Variants in PTPRG observed in about 807,000 individuals in gnomAD.
PTPRG encodes protein tyrosine phosphatase receptor type G.
In PTPRG, 102 loss-of-function variants were observed where a neutral mutation model predicts 165.3. The ratio of observed to expected loss-of-function variants is 0.62; its 90% CI spans 0.53 to 0.73. PTPRG has a LOEUF of 0.73. Among genes scored for constraint, PTPRG ranks in the 30% least tolerant of loss-of-function variants. The pLI is 0.00. For missense variants in PTPRG, 1,866 were observed against 1,861.4 expected, an observed-to-expected ratio of 1.00 and a Z score of -0.05; for synonymous variants, 675 against 669.5, an observed-to-expected ratio of 1.01 and a Z score of -0.13.
intron 2 of PTPRG, among the ~76,000 whole-genome samples, chr3:61,917,605 T>C (rs764380589): frequency 1.9e-4 from 29 of 152,198 alleles, no homozygotes; most frequent in Non-Finnish European, 4.1e-4. Flanking sequence ...CTGCTAACAA[T>C]GGACATTTAA....
At chr3:61,825,403 T>C (rs2036076799) in intron 2 of PTPRG, among the ~76,000 whole-genome samples, 1 of 152,168 alleles carries the variant, frequency 6.6e-6, no homozygotes, top group South Asian at 2.1e-4. Flanking sequence ...TTATGATCCA[T>C]AGAAATTGTA....
chr3:61,607,721 G>GT (rs1424443392), intron 1 of PTPRG, among the ~76,000 whole-genome samples: 2 of 152,150 alleles, frequency 1.3e-5, no homozygotes, highest in Non-Finnish European at 2.9e-5. Flanking sequence ...GGTTTTATCA[G>GT]TTTGAGGGCC....
chr3:61,888,981 T>G (rs2038132144), intron 2 of PTPRG, among the ~76,000 whole-genome samples: 1 of 152,224 alleles, frequency 6.6e-6, no homozygotes, highest in Non-Finnish European at 1.5e-5. Context: ...TTATTAGTGA[T>G]ATTGTGTTTT....
intron 7 of PTPRG, among the ~76,000 whole-genome samples, chr3:62,158,720 A>G (rs1704632373): frequency 6.6e-6 from 1 of 152,232 alleles, no homozygotes; most frequent in Non-Finnish European, 1.5e-5. Context: ...AGGTCATGTA[A>G]GGCCAGGCTG....
At chr3:61,743,904 A>G (rs143089284) in intron 1 of PTPRG, among the ~76,000 whole-genome samples, 6 of 152,364 alleles carry the variant, frequency 3.9e-5, no homozygotes, top group Admixed American at 3.9e-4. Context: ...GCAATTTCAC[A>G]TTAAGGTGAG....
intron 4 of PTPRG, among the ~76,000 whole-genome samples, chr3:62,031,552 G>A (rs1699770262): frequency 6.6e-6 from 1 of 152,034 alleles, no homozygotes; most frequent in Non-Finnish European, 1.5e-5. Context: ...GCGTTCTGAA[G>A]AAGGAAGTAG....
At chr3:62,282,129 G>A (rs371260581) in intron 27 of PTPRG, among the ~76,000 whole-genome samples, 54 of 152,042 alleles carry the variant, frequency 3.6e-4, no homozygotes, top group African/African-American at 9.6e-4. Flanking sequence ...CCCCTTCCTT[G>A]TTTTCCTTTA....
intron 11 of PTPRG, among the ~76,000 whole-genome samples, chr3:62,202,459 T>C (rs558455251): frequency 3.1e-4 from 47 of 152,292 alleles, no homozygotes; most frequent in East Asian, 7.7e-4. Flanking sequence ...CATTTGTTAA[T>C]TGGAATTCTT....
At chr3:62,238,093 G>A (rs970244081) in intron 14 of PTPRG, among the ~76,000 whole-genome samples, 1 of 152,214 alleles carries the variant, frequency 6.6e-6, no homozygotes, top group African/African-American at 2.4e-5. Context: ...TGTAAGAAAA[G>A]TGCATTCTTT....
At chr3:61,993,216 T>G (rs529456220) in intron 3 of PTPRG, among the ~76,000 whole-genome samples, 1 of 151,828 alleles carries the variant, frequency 6.6e-6, no homozygotes, top group African/African-American at 2.4e-5. Flanking sequence ...GTTTGTTTGG[T>G]TTATTTATTT....
intron 2 of PTPRG, among the ~76,000 whole-genome samples, chr3:61,783,367 C>G (rs1289202039): frequency 6.6e-6 from 1 of 152,148 alleles, no homozygotes; most frequent in Non-Finnish European, 1.5e-5. Flanking sequence ...TATTGATTAT[C>G]TGCTTCATGC....
At chr3:61,656,051 C>T (rs11718708) in intron 1 of PTPRG, among the ~76,000 whole-genome samples, 136,500 of 141,538 alleles carry the variant, frequency 0.96, 65,849 homozygotes, top group East Asian at 0.98. Flanking sequence ...CCCCCCCCCC[C>T]CGACCATCTC....
At chr3:61,744,944 A>G (rs2033138741) in intron 1 of PTPRG, among the ~76,000 whole-genome samples, 1 of 152,136 alleles carries the variant, frequency 6.6e-6, no homozygotes, top group African/African-American at 2.4e-5. Context: ...TTATGTAAAC[A>G]GGTACATAAC....
intron 1 of PTPRG, among the ~76,000 whole-genome samples, chr3:61,720,637 AG>A (rs1337205416): frequency 6.6e-6 from 1 of 152,170 alleles, no homozygotes; most frequent in Non-Finnish European, 1.5e-5. Context: ...ATCATAGATG[AG>A]GTTTGGATGG....
rs1422235088 is a variant in PTPRG at position 61,871,120 on chromosome 3, GTTATGTTA to G, written c.191-118503_191-118496del. Among the ~76,000 whole-genome samples, 21 of 107,684 alleles carry G rather than the reference GTTATGTTA, an allele frequency of 2.0e-4. No homozygotes were observed. In the East Asian group the frequency reaches 3.0e-3, roughly 15 times the overall value. The allele number at this position is 107,684 out of a possible 152,430, so 70.6% of individuals were successfully genotyped here. ...TTCCCTACATTCCCTGTTATGTTAT[GTTATGTTA>G]TGTTGTGTTGTGTTGTGTTGTGTTG... On this transcript the variant is annotated intron_variant, in intron 2 of 29. Transcript: ENST00000474889.
intron 2 of PTPRG, among the ~76,000 whole-genome samples, chr3:61,918,486 T>G (rs550822646): frequency 3.9e-5 from 6 of 152,192 alleles, no homozygotes; most frequent in Non-Finnish European, 8.8e-5. Flanking sequence ...TTTGAGATAC[T>G]AATTATTCTT....
chr3:61,964,353 A>G (rs1051628854), intron 2 of PTPRG, among the ~76,000 whole-genome samples: 1 of 152,214 alleles, frequency 6.6e-6, no homozygotes, highest in Non-Finnish European at 1.5e-5. Flanking sequence ...GGGAAACGTC[A>G]TGGGAAAGGA....
chr3:62,031,415 A>G (rs1319899203), intron 4 of PTPRG, among the ~76,000 whole-genome samples: 1 of 152,224 alleles, frequency 6.6e-6, no homozygotes, highest in East Asian at 1.9e-4. Context: ...AGAGTGGCAC[A>G]TTTGCAGAAG....
At chr3:61,715,510 C>T (rs1343362263) in intron 1 of PTPRG, among the ~76,000 whole-genome samples, 2 of 152,056 alleles carry the variant, frequency 1.3e-5, no homozygotes, top group South Asian at 2.1e-4. Flanking sequence ...TGAGCCACCG[C>T]GTCTGGCCCT....
Sources: allele counts gnomAD v4.1 joint callset (sites outside exome capture counted in the v4.1 genomes callset), GRCh38; gene constraint gnomAD v4.1.1; transcripts MANE v1.5; gene names NCBI Gene and HGNC (gene_info 2026-07-23, HGNC 2026-07-21).